Variants in EXOC6B observed in about 807,000 individuals in gnomAD.
EXOC6B encodes SEC15 homolog B.
EXOC6B carries 54 observed loss-of-function variants against 113.5 expected under a neutral mutation model. The observed-to-expected ratio is 0.48, with a 90% confidence interval of 0.38 to 0.60. The LOEUF is 0.60. EXOC6B is among the 20% of genes least tolerant of loss of function. EXOC6B has a pLI of 0.00. For synonymous variants in EXOC6B, 357 were observed against 339.0 expected, an observed-to-expected ratio of 1.05 and a Z score of -0.58; for missense variants, 797 against 977.5, an observed-to-expected ratio of 0.82 and a Z score of 2.46.
Position 72,692,030 on chromosome 2 carries a change from A to G in EXOC6B, c.669+26073T>C, listed in dbSNP as rs144051084. Among the ~76,000 whole-genome samples the G allele has an allele frequency of 4.2e-3, 635 of 152,148 alleles. 6 individuals are homozygous for G. The highest frequency in any genetic ancestry group is 0.015 in the African/African-American group (613 of 41,498). ...TCCATAGCAAATACCACCATCTGAC[A>G]TACTGTATAGTAACTTGTTTTTAAC... On this transcript the variant is annotated intron_variant, in intron 6 of 21. Transcript: ENST00000272427.
At position 72,236,723 on chromosome 2, in the gene EXOC6B, T is replaced by C. The variant is rs543255163; in HGVS notation, c.2197-52536A>G. 3.9e-5 allele frequency among the ~76,000 whole-genome samples: 6 copies of C among 152,210 alleles called. No individual in the cohort carries two copies. In the East Asian group the frequency reaches 1.2e-3, roughly 29 times the overall value. On this transcript the variant is annotated intron_variant, in intron 20 of 21. Coordinates refer to ENST00000272427, the MANE Select transcript of EXOC6B (RefSeq NM_015189.3). ...TGGTTATTTTCCTGGCAACTTTTGA[T>C]TTAATTGTCATCTTGCCAGATTTAG...
At chr2:72,500,298 A>G (rs529335386) in intron 11 of EXOC6B, among the ~76,000 whole-genome samples, 21 of 152,206 alleles carry the variant, frequency 1.4e-4, no homozygotes, top group African/African-American at 5.1e-4. Flanking sequence ...TCATATCAAA[A>G]ACTATGGTAT....
At position 72,278,804 on chromosome 2, in the gene EXOC6B, G is replaced by A. The variant is rs146633365; in HGVS notation, c.2196+56143C>T. Reference sequence around the variant, plus strand: ...TTTAGGGCCTCATGTGAGACCCTAGGTACATAAAGGGTTAAAGGAGACATA... The same window carrying A: ...TTTAGGGCCTCATGTGAGACCCTAGATACATAAAGGGTTAAAGGAGACATA... On this transcript the variant is annotated intron_variant, in intron 20 of 21. Transcript: ENST00000272427. Among the ~76,000 whole-genome samples, 287 of 152,224 alleles carry A rather than the reference G, an allele frequency of 1.9e-3. 1 individual carries two copies. Among genetic ancestry groups the A allele is most frequent in the African/African-American group, 6.4e-3 (264 of 41,526 alleles).
intron 20 of EXOC6B, among the ~76,000 whole-genome samples, chr2:72,216,577 A>G (rs1033730166): frequency 6.6e-6 from 1 of 152,220 alleles, no homozygotes; most frequent in African/African-American, 2.4e-5. Flanking sequence ...AATATAAATC[A>G]TTCTTTTATA....
chr2:72,394,034 G>T (rs1472236720), intron 18 of EXOC6B, among the ~76,000 whole-genome samples: 1 of 152,072 alleles, frequency 6.6e-6, no homozygotes, highest in Non-Finnish European at 1.5e-5. Context: ...TTCCTTATCT[G>T]CCAAACAGAA....
At chr2:72,708,410 C>T (rs1679033571) in intron 6 of EXOC6B, among the ~76,000 whole-genome samples, 1 of 152,148 alleles carries the variant, frequency 6.6e-6, no homozygotes, top group African/African-American at 2.4e-5. Flanking sequence ...TTTGTGTACA[C>T]AGTTATACGA....
At chr2:72,422,076 C>T (rs969970604) in intron 18 of EXOC6B, among the ~76,000 whole-genome samples, 2 of 152,194 alleles carry the variant, frequency 1.3e-5, no homozygotes, top group Non-Finnish European at 2.9e-5. Flanking sequence ...GGGCAGGGCT[C>T]GGGACCTGCA....
chr2:72,767,843 C>T (rs1352211784), intron 1 of EXOC6B, among the ~76,000 whole-genome samples: 5 of 50,962 alleles, frequency 9.8e-5, no homozygotes, highest in East Asian at 5.2e-4. Flanking sequence ...AGACCAAGTC[C>T]GGTGGCTCAC....
intron 1 of EXOC6B, among the ~76,000 whole-genome samples, chr2:72,756,727 T>C (rs893717308): frequency 7.2e-5 from 11 of 152,152 alleles, no homozygotes; most frequent in African/African-American, 2.4e-5. Flanking sequence ...ATTTTGCACA[T>C]GAAGCAACCT....
At chr2:72,541,256 G>A (rs111375440) in intron 8 of EXOC6B, among the ~76,000 whole-genome samples, 1,570 of 152,212 alleles carry the variant, frequency 0.01, 26 homozygotes, top group African/African-American at 0.035. Flanking sequence ...AGGCTTCCCC[G>A]GACATATGGA....
intron 17 of EXOC6B, among the ~76,000 whole-genome samples, chr2:72,478,384 G>A (rs1573216258): frequency 6.6e-6 from 1 of 152,118 alleles, no homozygotes; most frequent in African/African-American, 2.4e-5. Flanking sequence ...CAGCATAAAG[G>A]TTTCCATCTG....
intron 8 of EXOC6B, among the ~76,000 whole-genome samples, chr2:72,543,137 T>C (rs1211711979): frequency 1.3e-5 from 2 of 152,140 alleles, no homozygotes; most frequent in African/African-American, 4.8e-5. Context: ...ACATGGAGTA[T>C]GGTGTATCTG....
At chr2:72,671,743 GAGAC>G (rs1558902473) in intron 6 of EXOC6B, among the ~76,000 whole-genome samples, 4 of 130,548 alleles carry the variant, frequency 3.1e-5, no homozygotes, top group Admixed American at 8.4e-5. Context: ...AAGAGAGAGA[GAGAC>G]AGAGAAAGAA....
chr2:72,495,566 A>G (rs752019287), intron 14 of EXOC6B, 27 bp from the exon 15 acceptor site: 1 of 1,255,942 alleles, frequency 8.0e-7, no homozygotes, highest in East Asian at 2.3e-5. Flanking sequence ...TAATGAAATC[A>G]AGTCACAAAC....
At chr2:72,227,953 G>A (rs1037194056) in intron 20 of EXOC6B, among the ~76,000 whole-genome samples, 5 of 152,132 alleles carry the variant, frequency 3.3e-5, no homozygotes, top group African/African-American at 1.2e-4. Flanking sequence ...TATTGATGAT[G>A]GAGGAAGAGT....
At chr2:72,237,911 A>G (rs965247252) in intron 20 of EXOC6B, among the ~76,000 whole-genome samples, 2 of 151,988 alleles carry the variant, frequency 1.3e-5, no homozygotes, top group African/African-American at 4.8e-5. Context: ...TTAACAGCTT[A>G]GTTAAAATAT....
chr2:72,774,220 G>A (rs182857505), intron 1 of EXOC6B, among the ~76,000 whole-genome samples: 249 of 152,210 alleles, frequency 1.6e-3, no homozygotes, highest in Non-Finnish European at 3.0e-3. Context: ...TCTTTGGAAG[G>A]GCAACAGGCT....
At chr2:72,460,860 A>T (rs1275861197) in intron 18 of EXOC6B, among the ~76,000 whole-genome samples, 2 of 151,712 alleles carry the variant, frequency 1.3e-5, no homozygotes, top group African/African-American at 4.9e-5. Context: ...ATTACTGGGT[A>T]TATACCCAAA....
At chr2:72,611,323 A>C (rs1407001528) in intron 6 of EXOC6B, among the ~76,000 whole-genome samples, 1 of 151,832 alleles carries the variant, frequency 6.6e-6, no homozygotes, top group Non-Finnish European at 1.5e-5. Flanking sequence ...GTGCCACTGC[A>C]CTCCAGTCCC....
Sources: gnomAD v4.1 joint callset for allele counts (sites outside exome capture counted in the v4.1 genomes callset) on GRCh38, gnomAD v4.1.1 for gene constraint, MANE v1.5 for transcripts, NCBI Gene and HGNC (gene_info 2026-07-23, HGNC 2026-07-21) for gene names.